The following RPS6KA6 variants were observed in gnomAD, a reference collection of about 807,000 sequenced individuals.
RPS6KA6 encodes the protein ribosomal protein S6 kinase alpha-6.
In RPS6KA6, 27 loss-of-function variants were observed where a neutral mutation model predicts 65.4. The observed-to-expected ratio is 0.41, with a 90% CI of 0.30 to 0.57. The LOEUF is 0.57. RPS6KA6 is among the 20% of genes least tolerant of loss of function. The pLI is 0.24. For missense variants in RPS6KA6, 486 were observed against 555.6 expected (o/e 0.87, Z 1.26); for synonymous variants, 190 against 184.2 (o/e 1.03, Z -0.26).
chrX:84,148,665 C>A (rs1449170032), intron 3 of RPS6KA6, among the ~76,000 whole-genome samples: 6 of 110,994 alleles, frequency 5.4e-5, no homozygotes, highest in Admixed American at 3.9e-4. Flanking sequence ...CTTTTTGTTA[C>A]CTTAATAAAG....
chrX:84,126,069 A>G (rs1205013333), intron 8 of RPS6KA6, among the ~76,000 whole-genome samples: 1 of 111,432 alleles, frequency 9.0e-6, no homozygotes. Flanking sequence ...ATGAACCATG[A>G]AAAAACAAGA....
In RPS6KA6 at chrX:84,102,106, T is replaced by G; in HGVS notation, c.1707A>C (p.Ala569=). 2 of 1,201,734 alleles carry G rather than the reference T, an allele frequency of 1.7e-6. No individual in the cohort carries two copies. Among genetic ancestry groups the G allele is most frequent in the African/African-American group, 1.7e-5 (1 of 57,415 alleles). The part of the protein sequence containing the change: ...DSIRICDFGF[A]KQLRGENGLL... The stretch of plus-strand genomic sequence containing the variant: ...GTCCATTTTCTCCTCGAAGTTGTTT[T>G]GCAAACCCAAAATCACATATCCTGA... The change falls in exon 18 of 22, where the codon GCA becomes GCC. Residue 569 remains alanine (A), a synonymous_variant. Transcript: ENST00000262752.
At chrX:84,090,689 CG>C (rs779397242) in intron 20 of RPS6KA6, among the ~76,000 whole-genome samples, 36 of 111,465 alleles carry the variant, frequency 3.2e-4, no homozygotes, top group Admixed American at 2.9e-4. Context: ...CACTATCACG[CG>C]AACAACATGG....
chrX:84,141,248 T>C (rs757208048), intron 6 of RPS6KA6, among the ~76,000 whole-genome samples: 1 of 110,798 alleles, frequency 9.0e-6, no homozygotes, highest in Non-Finnish European at 1.9e-5. Flanking sequence ...TAAAACTTTA[T>C]TTACAAAGAA....
chrX:84,096,152 A>ATT, intron 20 of RPS6KA6, 42 bp downstream of exon 20: 3 of 865,319 alleles, frequency 3.5e-6, no homozygotes, highest in Non-Finnish European at 3.4e-6. Context: ...GATTTGAGCA[A>ATT]TTTAACATGA....
At chrX:84,093,843 C>T (rs775721474) in intron 20 of RPS6KA6, among the ~76,000 whole-genome samples, 5 of 111,557 alleles carry the variant, frequency 4.5e-5, no homozygotes, top group African/African-American at 1.6e-4. Context: ...TTGACCTCCT[C>T]AATTTCTCCA....
intron 4 of RPS6KA6, among the ~76,000 whole-genome samples, chrX:84,147,731 C>T (rs1235080448): frequency 1.8e-5 from 2 of 111,855 alleles, no homozygotes; most frequent in Non-Finnish European, 3.8e-5. Context: ...ATATGTAATA[C>T]TGACACAGAT....
intron 2 of RPS6KA6, among the ~76,000 whole-genome samples, chrX:84,162,459 C>T (rs774542866): frequency 1.5e-4 from 17 of 111,657 alleles, no homozygotes; most frequent in African/African-American, 5.5e-4. Flanking sequence ...ATTCTAGGTC[C>T]TTTACTCTCC....
chrX:84,070,526 G>A (rs768449737), intron 20 of RPS6KA6, among the ~76,000 whole-genome samples: 1 of 110,461 alleles, frequency 9.1e-6, no homozygotes, highest in African/African-American at 3.3e-5. Flanking sequence ...AAACCTGCAC[G>A]TTCTGCACAA....
chrX:84,151,375 T>C (rs1277017838), intron 3 of RPS6KA6, among the ~76,000 whole-genome samples: 6 of 109,083 alleles, frequency 5.5e-5, no homozygotes, highest in Admixed American at 2.0e-4. Context: ...TATAGCTGCA[T>C]CAAGAAAATG....
intron 20 of RPS6KA6, among the ~76,000 whole-genome samples, chrX:84,087,700 T>C (rs1334031151): frequency 9.0e-6 from 1 of 111,697 alleles, no homozygotes; most frequent in Non-Finnish European, 1.9e-5. Context: ...TGAATGTTGG[T>C]CTTTCTTGCT....
chrX:84,109,641 TCC>T (rs2034431326), intron 12 of RPS6KA6, among the ~76,000 whole-genome samples: 1 of 110,713 alleles, frequency 9.0e-6, no homozygotes, highest in Non-Finnish European at 1.9e-5. Flanking sequence ...CCTTCTGAGA[TCC>T]CAGCCTCCAC....
At chrX:84,150,546 G>A (rs921587671) in intron 3 of RPS6KA6, among the ~76,000 whole-genome samples, 1 of 109,629 alleles carries the variant, frequency 9.1e-6, no homozygotes, top group African/African-American at 3.3e-5. Flanking sequence ...GCAGGTCAGG[G>A]AATAGAGGGG....
chrX:84,146,902 G>A (rs1209404004), intron 5 of RPS6KA6, 76 bp downstream of exon 5: 2 of 541,527 alleles, frequency 3.7e-6, no homozygotes, highest in Admixed American at 4.0e-5. Flanking sequence ...TTGTGTGAAA[G>A]GAAATCATAA....
chrX:84,109,531 T>C (rs1036748607), intron 12 of RPS6KA6, among the ~76,000 whole-genome samples: 2 of 111,107 alleles, frequency 1.8e-5, no homozygotes, highest in African/African-American at 6.6e-5. Context: ...ATTCTGAGCA[T>C]TCTGTGGGCG....
In RPS6KA6 at chrX:84,104,636, C is replaced by T. The variant is rs1008048635; in HGVS notation, c.1477G>A (p.Val493Ile). The T allele has an allele frequency of 8.8e-7, 1 of 1,139,798 alleles. No individual in the cohort carries two copies. Among genetic ancestry groups the T allele is most frequent in the Non-Finnish European group, 1.2e-6 (1 of 855,447 alleles). 93.9% of individuals were successfully genotyped at this position (1,139,798 alleles called of 1,213,427 possible). Residue 493 changes from valine (V) to isoleucine (I), a missense_variant, in exon 17 of 22, where the codon GTT becomes ATT. Coordinates refer to ENST00000262752, the MANE Select transcript of RPS6KA6 (RefSeq NM_014496.5). Reference protein sequence around the residue: ...LKDVFDDGRYVYLVTDLMKGG... With the variant: ...LKDVFDDGRYIYLVTDLMKGG... Reference sequence around the variant, plus strand: ...TTCATTAAATCCGTAACAAGGTAAACATATCTACCATCATCAAAGACCTAC... The same window carrying T: ...TTCATTAAATCCGTAACAAGGTAAATATATCTACCATCATCAAAGACCTAC...
intron 20 of RPS6KA6, among the ~76,000 whole-genome samples, chrX:84,070,499 A>G (rs920266753): frequency 9.0e-6 from 1 of 110,889 alleles, no homozygotes; most frequent in African/African-American, 3.3e-5. Context: ...ACCATGGCAC[A>G]TGTATACCTA....
At chrX:84,067,469 C>T (rs1259890470) in intron 20 of RPS6KA6, among the ~76,000 whole-genome samples, 1 of 111,367 alleles carries the variant, frequency 9.0e-6, no homozygotes, top group Non-Finnish European at 1.9e-5. Flanking sequence ...AAGAGAACTT[C>T]GTGAAGCATA....
chrX:84,174,815 T>C (rs1285377926), intron 1 of RPS6KA6, among the ~76,000 whole-genome samples: 1 of 111,674 alleles, frequency 9.0e-6, no homozygotes, highest in African/African-American at 3.2e-5. Context: ...CTCATCATAT[T>C]ACTCTTGGTT....
Sources: allele counts gnomAD v4.1 joint callset (sites outside exome capture counted in the v4.1 genomes callset), GRCh38; gene constraint gnomAD v4.1.1; transcripts MANE v1.5; gene names NCBI Gene and HGNC (gene_info 2026-07-23, HGNC 2026-07-21).